MGAT1: variants seen among roughly 807,000 people sequenced by gnomAD.
MGAT1 encodes the protein N-glycosyl-oligosaccharide-glycoprotein N-acetylglucosaminyltransferase I.
Under a neutral mutation model 31.7 loss-of-function variants are expected in MGAT1, and 14 were observed. The ratio of observed to expected loss-of-function variants is 0.44; its 90% CI spans 0.29 to 0.69. MGAT1 has a LOEUF of 0.69. Among genes scored for constraint, MGAT1 ranks in the 30% least tolerant of loss-of-function variants. The probability of loss-of-function intolerance (pLI) is 0.12; values close to 1 mark genes in which losing one functional copy is unlikely to be tolerated. For missense variants in MGAT1, 557 were observed against 626.0 expected, an observed-to-expected ratio of 0.89 and a Z score of 1.18; for synonymous variants, 338 against 276.0, an observed-to-expected ratio of 1.22 and a Z score of -2.23.
chr5:180,786,042 C>A lies in MGAT1; in HGVS notation c.*5592G>T, dbSNP rs1310232370. The stretch of plus-strand genomic sequence containing the variant: ...TCCATAAAGAATGAGGCTTGCCCTC[C>A]CTTCCCCTCTCCTGCTTCCTGGTAG... On this transcript the variant is annotated 3_prime_UTR_variant, in exon 2 of 2. Coordinates refer to ENST00000307826, the MANE Select transcript of MGAT1 (RefSeq NM_002406.4). The A allele has an allele frequency of 6.6e-6, 1 of 152,300 alleles. No individual in the cohort carries two copies. Among genetic ancestry groups the A allele is most frequent in the Admixed American group, 6.5e-5 (1 of 15,288 alleles). The allele number at this position is 152,300 out of a possible 1,614,324, so 9.4% of individuals were successfully genotyped here.
At position 180,791,268 on chromosome 5, in the gene MGAT1, A is replaced by G; in HGVS notation, c.*366T>C. On this transcript the variant is annotated 3_prime_UTR_variant, in exon 2 of 2. Coordinates refer to ENST00000307826, the MANE Select transcript of MGAT1 (RefSeq NM_002406.4). Reference sequence around the variant, plus strand: ...GGAGGGCTCGTGCCCTGGCTGGAAGAGCCAGGTCAGGGAGAAGGGGTCTGG... The same window carrying G: ...GGAGGGCTCGTGCCCTGGCTGGAAGGGCCAGGTCAGGGAGAAGGGGTCTGG... 1 of 264,348 alleles carries G rather than the reference A, an allele frequency of 3.8e-6. No individual in the cohort carries two copies. The highest frequency in any genetic ancestry group is 6.7e-5 in the South Asian group (1 of 14,850). The allele number at this position is 264,348 out of a possible 1,614,324, so 16.4% of individuals were successfully genotyped here. A position where few individuals can be genotyped will look rare whatever the true frequency, so the allele number is the denominator to read the frequency against.
intron 1 of MGAT1, 100 bp from the exon 2 acceptor site, chr5:180,793,197 G>C: frequency 3.4e-6 from 2 of 594,984 alleles, no homozygotes; most frequent in South Asian, 4.1e-5. Flanking sequence ...AAGAGTGAGG[G>C]TGGAGGAAGG....
chr5:180,805,369 A>G (rs901201398), upstream of MGAT1, among the ~76,000 whole-genome samples: 3 of 152,350 alleles, frequency 2.0e-5, no homozygotes, highest in African/African-American at 7.2e-5. Context: ...CCTCCCATAA[A>G]CCATGCCCAA....
chr5:180,801,973 C>T (rs570741349), intron 1 of MGAT1, among the ~76,000 whole-genome samples: 2 of 152,286 alleles, frequency 1.3e-5, no homozygotes, highest in South Asian at 4.1e-4. Flanking sequence ...GATGTGAGCA[C>T]GTAAGAGCAA....
chr5:180,808,234 C>A (rs897783878), intron 2 of MGAT1, among the ~76,000 whole-genome samples: 2 of 152,208 alleles, frequency 1.3e-5, no homozygotes, highest in Admixed American at 6.5e-5. Flanking sequence ...CTTCTCCCCC[C>A]ACCAGCAGTC....
At chr5:180,799,918 C>T (rs78981792) in intron 1 of MGAT1, among the ~76,000 whole-genome samples, 1 of 152,062 alleles carries the variant, frequency 6.6e-6, no homozygotes, top group African/African-American at 2.4e-5. Flanking sequence ...ATGGACAGGA[C>T]CCCCATAGGT....
intron 1 of MGAT1, chr5:180,811,358 G>A (rs963098618): frequency 6.6e-6 from 1 of 152,174 alleles, no homozygotes; most frequent in Non-Finnish European, 1.5e-5. Flanking sequence ...TTTCCTTAAA[G>A]GGAAAAATAC....
upstream of MGAT1, chr5:180,815,592 C>G (rs1336151741): frequency 1.3e-5 from 2 of 152,414 alleles, no homozygotes; most frequent in South Asian, 2.1e-4. Flanking sequence ...TCCACCCTCT[C>G]CTTTGACCTG....
In MGAT1 at chr5:180,791,737, G is replaced by A. The variant is rs770191191; in HGVS notation, c.1235C>T (p.Pro412Leu). 2.5e-6 allele frequency: 4 copies of A among 1,612,830 alleles called. No homozygotes were observed. The highest frequency in any genetic ancestry group is 4.5e-5 in the East Asian group (2 of 44,882). The change falls in exon 2 of 2, where the codon CCG becomes CTG. Residue 412 changes from proline to leucine, a missense_variant. This residue lies in a region of MGAT1 where 145 missense variants were observed against 143.2 expected (regional missense o/e 1.01). Transcript: ENST00000307826. The stretch of plus-strand genomic sequence containing the variant: ...GACAATACCCCGGTAGCCAGCTCTC[G>A]GAACCCCCGACTTAAGGTCATCCAT... ...GVMDDLKSGV[P>L]RAGYRGIVTF...
Position 180,789,998 on chromosome 5 carries a change from G to A in MGAT1, c.*1636C>T, listed in dbSNP as rs1190317880. On this transcript the variant is annotated 3_prime_UTR_variant, in exon 2 of 2. Transcript: ENST00000307826. ...CAGAATGTTGCACGTGATATGCAGA[G>A]GTAACAGTCTGTCTGTGTTCTGGGT... is the stretch of plus-strand genomic sequence containing the variant. 6.6e-6 allele frequency: 1 copy of A among 152,174 alleles called. No individual in the cohort carries two copies. Among genetic ancestry groups the A allele is most frequent in the East Asian group, 1.9e-4 (1 of 5,200 alleles). 9.4% of individuals were successfully genotyped at this position (152,174 alleles called of 1,614,324 possible). A position where few individuals can be genotyped will look rare whatever the true frequency, so the allele number is the denominator to read the frequency against.
At position 180,792,090 on chromosome 5, in the gene MGAT1, C is replaced by T. The variant is rs1305722535; in HGVS notation, c.882G>A (p.Arg294=). The T allele has an allele frequency of 4.3e-6, 7 of 1,613,258 alleles. No individual in the cohort carries two copies. Among genetic ancestry groups the T allele is most frequent in the Non-Finnish European group, 5.1e-6 (6 of 1,179,886 alleles). The part of the protein sequence containing the change: ...PKAFWDDWMR[R]PEQRQGRACI... Reference sequence around the variant, plus strand: ...AGGCCCGCCCCTGCCGCTGCTCCGGCCGCCGCATCCAGTCGTCCCAGAAGG... The same window carrying T: ...AGGCCCGCCCCTGCCGCTGCTCCGGTCGCCGCATCCAGTCGTCCCAGAAGG... The change falls in exon 2 of 2, where the codon CGG becomes CGA. Residue 294 remains arginine, a synonymous_variant. Transcript: ENST00000307826.
chr5:180,813,520 A>C (rs185552862), intron 1 of MGAT1, among the ~76,000 whole-genome samples: 2 of 152,344 alleles, frequency 1.3e-5, no homozygotes, highest in East Asian at 3.9e-4. Flanking sequence ...AGTCACCGCT[A>C]GCTGGGCCAA....
intron 1 of MGAT1, among the ~76,000 whole-genome samples, chr5:180,800,790 C>T (rs62407762): frequency 0.075 from 11,459 of 152,262 alleles, 541 homozygotes; most frequent in East Asian, 0.21. Flanking sequence ...GGGATACTTA[C>T]GGGTGAGGCC....
intron 1 of MGAT1, among the ~76,000 whole-genome samples, chr5:180,798,048 A>C (rs946959272): frequency 2.6e-5 from 4 of 152,208 alleles, no homozygotes; most frequent in African/African-American, 9.7e-5. Flanking sequence ...TCCAGGAAGC[A>C]CTGCTCAGGC....
At chr5:180,810,418 A>T (rs1039261405) in intron 1 of MGAT1, 4 of 152,688 alleles carry the variant, frequency 2.6e-5, no homozygotes, top group African/African-American at 9.7e-5. Flanking sequence ...CCGGGCGCAG[A>T]GTAGCGGCCG....
chr5:180,801,694 C>T (rs1561859100), intron 1 of MGAT1, among the ~76,000 whole-genome samples: 2 of 152,206 alleles, frequency 1.3e-5, no homozygotes, highest in Non-Finnish European at 2.9e-5. Flanking sequence ...CCCACTTGTA[C>T]CTTAGTTCTC....
chr5:180,796,106 C>T (rs1423691182), intron 1 of MGAT1, among the ~76,000 whole-genome samples: 1 of 148,210 alleles, frequency 6.7e-6, no homozygotes, highest in Non-Finnish European at 1.5e-5. Context: ...TGCCCTCTGC[C>T]TCACAGGCTA....
At chr5:180,815,587 C>T (rs1283902952), upstream of MGAT1, 2 of 152,258 alleles carry the variant, frequency 1.3e-5, no homozygotes, top group African/African-American at 2.4e-5. Context: ...TTTCCTCCAC[C>T]CTCTCCTTTG....
In MGAT1 at chr5:180,791,361, C is replaced by A; in HGVS notation, c.*273G>T. The A allele has an allele frequency of 3.7e-6, 2 of 534,746 alleles. No individual in the cohort carries two copies. Among genetic ancestry groups the A allele is most frequent in the Non-Finnish European group, 6.6e-6 (2 of 300,760 alleles). 33.1% of individuals were successfully genotyped at this position (534,746 alleles called of 1,614,324 possible). A position where few individuals can be genotyped will look rare whatever the true frequency, so the allele number is the denominator to read the frequency against. On this transcript the variant is annotated 3_prime_UTR_variant, in exon 2 of 2. Coordinates refer to ENST00000307826, the MANE Select transcript of MGAT1 (RefSeq NM_002406.4). ...GAGAAAGCTCAGGACGTGGACATTTCTGGCCCCAACAAGCCCAGTGCCCCC... is the reference window on the plus strand; with the variant it reads ...GAGAAAGCTCAGGACGTGGACATTTATGGCCCCAACAAGCCCAGTGCCCCC...
Sources: gnomAD v4.1 joint callset for allele counts (sites outside exome capture counted in the v4.1 genomes callset) on GRCh38, gnomAD v4.1.1 for gene constraint, gnomAD v4.1.1 regional missense constraint, MANE v1.5 for transcripts, NCBI Gene and HGNC (gene_info 2026-07-23, HGNC 2026-07-21) for gene names.